ZMIZ1: variants seen among roughly 807,000 people sequenced by gnomAD.
ZMIZ1 encodes the protein zinc finger MIZ-type containing 1, also known as zinc finger MIZ domain-containing protein 1.
In ZMIZ1, 17 loss-of-function variants were observed where a neutral mutation model predicts 113.9. The observed-to-expected ratio is 0.15, with a 90% confidence interval of 0.10 to 0.22. The LOEUF (loss-of-function observed/expected upper bound fraction) is 0.22. Among genes scored for constraint, ZMIZ1 ranks in the 10% least tolerant of loss-of-function variants. The pLI is 1.00. For missense variants in ZMIZ1, 1,059 were observed against 1,477.8 expected (o/e 0.72, Z 4.65); for synonymous variants, 607 against 603.1 (o/e 1.01, Z -0.09).
At chr10:79,266,654 A>G (rs1165434826) in intron 7 of ZMIZ1, among the ~76,000 whole-genome samples, 1 of 151,896 alleles carries the variant, frequency 6.6e-6, no homozygotes, top group Non-Finnish European at 1.5e-5. Context: ...CCTGGGGCCC[A>G]GTAGTCACTG....
intron 2 of ZMIZ1, among the ~76,000 whole-genome samples, chr10:79,126,924 G>A (rs1334641307): frequency 1.3e-5 from 2 of 152,304 alleles, no homozygotes; most frequent in South Asian, 4.1e-4. Flanking sequence ...CAGTGGAGGA[G>A]AGCTGACCTA....
chr10:79,181,297 G>A (rs1259364144), intron 4 of ZMIZ1, among the ~76,000 whole-genome samples: 1 of 152,232 alleles, frequency 6.6e-6, no homozygotes, highest in Non-Finnish European at 1.5e-5. Flanking sequence ...ACAGTCCTGT[G>A]GCCCTGCCTA....
chr10:79,149,660 C>G (rs1230607902), intron 3 of ZMIZ1, among the ~76,000 whole-genome samples: 1 of 152,208 alleles, frequency 6.6e-6, no homozygotes, highest in African/African-American at 2.4e-5. Flanking sequence ...TCACGTTGTC[C>G]TCATGTGGGG....
intron 7 of ZMIZ1, among the ~76,000 whole-genome samples, chr10:79,222,673 CCT>C (rs1849028306): frequency 6.6e-6 from 1 of 152,154 alleles, no homozygotes; most frequent in Admixed American, 6.6e-5. Context: ...CAAAGGGGTC[CCT>C]GTCTCACCCT....
chr10:79,152,414 C>T (rs1239082593), intron 3 of ZMIZ1, among the ~76,000 whole-genome samples: 1 of 152,102 alleles, frequency 6.6e-6, no homozygotes, highest in Admixed American at 6.5e-5. Context: ...GTGGGAGGAT[C>T]GCTTGAGCCC....
intron 7 of ZMIZ1, among the ~76,000 whole-genome samples, chr10:79,251,698 G>A (rs1850565673): frequency 6.6e-6 from 1 of 152,220 alleles, no homozygotes; most frequent in Non-Finnish European, 1.5e-5. Flanking sequence ...CTCACTCAGT[G>A]TTTGCTGAGC....
chr10:79,123,150 G>C (rs1437103816), intron 2 of ZMIZ1, among the ~76,000 whole-genome samples: 1 of 152,234 alleles, frequency 6.6e-6, no homozygotes, highest in Admixed American at 6.5e-5. Flanking sequence ...CCACAGATGA[G>C]AGGGGTATCG....
intron 4 of ZMIZ1, among the ~76,000 whole-genome samples, chr10:79,188,378 G>A (rs930733231): frequency 6.6e-6 from 1 of 152,160 alleles, no homozygotes; most frequent in Non-Finnish European, 1.5e-5. Flanking sequence ...AGTGTTCTGG[G>A]CCGCTCTTCC....
In ZMIZ1 at chr10:79,314,378, G is replaced by A. The variant is rs1855404580; in HGVS notation, c.*1629G>A. ...TGGGTGGTCCCCAGCTCTCCTCTGT[G>A]GGTTTTACCGGAAAGGTGGCCCCAG... On this transcript the variant is annotated 3_prime_UTR_variant, in exon 25 of 25. Coordinates refer to ENST00000334512, the MANE Select transcript of ZMIZ1 (RefSeq NM_020338.4). 2 of 385,082 alleles carry A rather than the reference G, an allele frequency of 5.2e-6. No homozygotes were observed. 23.9% of individuals were successfully genotyped at this position (385,082 alleles called of 1,614,324 possible).
intron 2 of ZMIZ1, among the ~76,000 whole-genome samples, chr10:79,119,545 C>G (rs1413882442): frequency 6.6e-6 from 1 of 152,224 alleles, no homozygotes; most frequent in Admixed American, 6.5e-5. Context: ...GCCTAGGGTT[C>G]AAGTCCAGGT....
rs1355673092 is a variant in ZMIZ1 at position 79,293,572 on chromosome 10, G to A, written c.1149G>A (p.Gln383=). The stretch of plus-strand genomic sequence containing the variant: ...TCAGCCCCTTTGGCACACACGGGCA[G>A]CGGATGCCCCAGCAGACCTACCCGG... ...PGISPFGTHG[Q]RMPQQTYPGP... The change falls in exon 12 of 25, where the codon CAG becomes CAA. Residue 383 remains glutamine (Q), a synonymous_variant. Transcript: ENST00000334512. 3 of 1,612,928 alleles carry A rather than the reference G, an allele frequency of 1.9e-6. No homozygotes were observed. Among genetic ancestry groups the A allele is most frequent in the Non-Finnish European group, 1.7e-6 (2 of 1,179,992 alleles).
chr10:79,230,561 C>T (rs1849353660), intron 7 of ZMIZ1, among the ~76,000 whole-genome samples: 1 of 152,310 alleles, frequency 6.6e-6, no homozygotes, highest in Non-Finnish European at 1.5e-5. Context: ...TGCCGGGAGT[C>T]GAGGGGCCCG....
intron 1 of ZMIZ1, among the ~76,000 whole-genome samples, chr10:79,096,316 C>G (rs1159768514): frequency 6.6e-6 from 1 of 152,158 alleles, no homozygotes; most frequent in Admixed American, 6.5e-5. Flanking sequence ...CGAGACCATC[C>G]TGGCTAACAC....
intron 2 of ZMIZ1, among the ~76,000 whole-genome samples, chr10:79,122,616 T>A (rs1053093167): frequency 2.6e-5 from 4 of 152,176 alleles, no homozygotes; most frequent in African/African-American, 9.7e-5. Context: ...ACCTTTACTC[T>A]GTGATACCTT....
intron 4 of ZMIZ1, among the ~76,000 whole-genome samples, chr10:79,200,760 T>C (rs1848041677): frequency 6.6e-6 from 1 of 152,074 alleles, no homozygotes; most frequent in South Asian, 2.1e-4. Context: ...TGTGAGTGGT[T>C]TGTAAATTAT....
chr10:79,307,979 C>T (rs1289908211), intron 23 of ZMIZ1, among the ~76,000 whole-genome samples: 2 of 152,220 alleles, frequency 1.3e-5, no homozygotes, highest in Non-Finnish European at 2.9e-5. Context: ...CTCCAAGGAT[C>T]TGAATTCAGG....
At chr10:79,093,255 C>T (rs552366143) in intron 1 of ZMIZ1, among the ~76,000 whole-genome samples, 2 of 151,492 alleles carry the variant, frequency 1.3e-5, no homozygotes, top group East Asian at 3.9e-4. Flanking sequence ...TCTGAAGAAC[C>T]CTACGCGGGA....
chr10:79,242,921 T>TCGCGCTCC (rs1055025530), intron 7 of ZMIZ1, among the ~76,000 whole-genome samples: 10 of 151,500 alleles, frequency 6.6e-5, no homozygotes, highest in African/African-American at 2.4e-4. Context: ...TCATACTCGC[T>TCGCGCTCC]CGCGCTCCCT....
chr10:79,246,282 C>T (rs749331127), intron 7 of ZMIZ1, among the ~76,000 whole-genome samples: 2 of 152,250 alleles, frequency 1.3e-5, no homozygotes, highest in African/African-American at 4.8e-5. Context: ...TCAGACCTCC[C>T]TGAGGGACAG....
Sources: gnomAD v4.1 joint callset for allele counts (sites outside exome capture counted in the v4.1 genomes callset) on GRCh38, gnomAD v4.1.1 for gene constraint, MANE v1.5 for transcripts, NCBI Gene and HGNC (gene_info 2026-07-23, HGNC 2026-07-21) for gene names.